Variants in KLF7 observed in about 807,000 individuals in gnomAD.
KLF7 encodes Krueppel-like factor 7.
In KLF7, 2 loss-of-function variants were observed where a neutral mutation model predicts 27.3. The ratio of observed to expected loss-of-function variants is 0.07; its 90% confidence interval spans 0.03 to 0.23. KLF7 has a LOEUF of 0.23. Among genes scored for constraint, KLF7 ranks in the 10% least tolerant of loss-of-function variants. The pLI, the probability that KLF7 is intolerant of heterozygous loss-of-function variation, is 1.00. For missense variants in KLF7, 221 were observed against 394.1 expected (o/e 0.56, Z 3.72); for synonymous variants, 165 against 162.4 (o/e 1.02, Z -0.12).
chr2:207,102,516 CA>C (rs548153547), intron 2 of KLF7, among the ~76,000 whole-genome samples: 69 of 152,300 alleles, frequency 4.5e-4, no homozygotes, highest in East Asian at 3.5e-3. Flanking sequence ...TCATGAAATG[CA>C]AAATGTAAAT....
intron 2 of KLF7, among the ~76,000 whole-genome samples, chr2:207,103,657 A>G (rs1486629084): frequency 1.3e-5 from 2 of 152,228 alleles, no homozygotes; most frequent in African/African-American, 4.8e-5. Flanking sequence ...ACAACTCACC[A>G]TCAGGAGACC....
chr2:207,152,580 T>C (rs909772258), intron 1 of KLF7, among the ~76,000 whole-genome samples: 5 of 152,300 alleles, frequency 3.3e-5, no homozygotes, highest in Admixed American at 3.3e-4. Context: ...AACCAGATGG[T>C]CTTTTCCATC....
chr2:207,172,499 G>A, the KLF7 span, among the ~76,000 whole-genome samples: 11 of 152,098 alleles, frequency 7.2e-5, no homozygotes, highest in African/African-American at 2.7e-4. Context: ...ACTGTCTTTT[G>A]TTATAGGAGT....
At chr2:207,120,772 C>T (rs1172532238) in intron 2 of KLF7, 5 of 152,186 alleles carry the variant, frequency 3.3e-5, no homozygotes, top group South Asian at 2.1e-4. Context: ...CCTTTGCCCT[C>T]GAGCTTTTAC....
At chr2:207,118,653 C>T (rs2077254258) in intron 2 of KLF7, among the ~76,000 whole-genome samples, 2 of 152,192 alleles carry the variant, frequency 1.3e-5, no homozygotes, top group Admixed American at 6.5e-5. Context: ...CTTGACTTCT[C>T]TGGGTCTCAT....
chr2:207,161,264 GCAGTTATATTTTTATTTCATCTAC>G (rs1439731447), intron 1 of KLF7, among the ~76,000 whole-genome samples: 1 of 152,136 alleles, frequency 6.6e-6, no homozygotes, highest in East Asian at 1.9e-4. Context: ...TGGGTAACGG[GCAGTTATATTTTTATTTCATCTAC>G]CAAGTTGCTG....
At chr2:207,115,502 T>A (rs1217299896) in intron 2 of KLF7, among the ~76,000 whole-genome samples, 2 of 152,210 alleles carry the variant, frequency 1.3e-5, no homozygotes, top group African/African-American at 4.8e-5. Context: ...GAGAAGTAAC[T>A]CCATCAGTGG....
chr2:207,134,395 G>A (rs917669998), intron 1 of KLF7, among the ~76,000 whole-genome samples: 6 of 152,000 alleles, frequency 3.9e-5, no homozygotes, highest in Non-Finnish European at 7.4e-5. Flanking sequence ...TTGGGCCCTC[G>A]GTGGCAGATG....
upstream of KLF7, chr2:207,167,215 G>A (rs2078741856): frequency 8.5e-6 from 11 of 1,291,386 alleles, no homozygotes; most frequent in South Asian, 1.8e-4. Context: ...TTCTGGAGTT[G>A]GGATGTAGAC....
At chr2:207,163,005 G>A (rs750976313) in intron 1 of KLF7, among the ~76,000 whole-genome samples, 2 of 152,118 alleles carry the variant, frequency 1.3e-5, no homozygotes, top group East Asian at 1.9e-4. Flanking sequence ...TTCATTATCC[G>A]ATAGTTGATT....
rs1218063222 is a variant in KLF7 at position 207,074,170 on chromosome 2, G to A, written c.*7043C>T. ...GTAAACATTTATTGGAAAGTTTCTT[G>A]TCAGATTCATTTGATTAGGGATAGA... is the stretch of plus-strand genomic sequence containing the variant. On this transcript the variant is annotated 3_prime_UTR_variant, in exon 4 of 4. Coordinates refer to ENST00000309446, the MANE Select transcript of KLF7 (RefSeq NM_003709.4). The A allele has an allele frequency of 3.3e-5, 5 of 152,278 alleles. No homozygotes were observed. Among genetic ancestry groups the A allele is most frequent in the Non-Finnish European group, 5.9e-5 (4 of 68,010 alleles). The allele number at this position is 152,278 out of a possible 1,614,324, so 9.4% of individuals were successfully genotyped here.
rs1054922007 is a variant in KLF7 at position 207,079,467 on chromosome 2, A to T, written c.*1746T>A. On this transcript the variant is annotated 3_prime_UTR_variant, in exon 4 of 4. Transcript: ENST00000309446. ...ACCAAGCGCCATTTTTGTTTTATAG[A>T]CGTGTCTTGAAGGGATGGTCCCAGA... 3 of 152,160 alleles carry T rather than the reference A, an allele frequency of 2.0e-5. No homozygotes were observed. Among genetic ancestry groups the T allele is most frequent in the African/African-American group, 7.2e-5 (3 of 41,430 alleles). 9.4% of individuals were successfully genotyped at this position (152,160 alleles called of 1,614,324 possible). A position where few individuals can be genotyped will look rare whatever the true frequency, so the allele number is the denominator to read the frequency against.
intron 1 of KLF7, among the ~76,000 whole-genome samples, chr2:207,152,293 A>ACGCG (rs1174665983): frequency 2.6e-3 from 27 of 10,490 alleles, no homozygotes; most frequent in Non-Finnish European, 8.1e-3. Flanking sequence ...ACACACACAC[A>ACGCG]CACACACACA....
chr2:207,120,475 T>TA (rs2077307944), intron 2 of KLF7, among the ~76,000 whole-genome samples: 3 of 152,250 alleles, frequency 2.0e-5, no homozygotes, highest in African/African-American at 7.2e-5. Flanking sequence ...ATAGAAGAGA[T>TA]ACAGCATATA....
chr2:207,118,895 TA>T (rs1366131091), intron 2 of KLF7, among the ~76,000 whole-genome samples: 1 of 152,244 alleles, frequency 6.6e-6, no homozygotes. Context: ...TTTTTGTTTG[TA>T]GTATTTTTAG....
chr2:207,124,241 C>G lies in KLF7; in HGVS notation c.266G>C (p.Cys89Ser), dbSNP rs1315759997. Residue 89 changes from cysteine (C) to serine (S), a missense_variant, in exon 2 of 4, where the codon TGT becomes TCT. Coordinates refer to ENST00000309446, the MANE Select transcript of KLF7 (RefSeq NM_003709.4). ...PLLLPVEAAICEKSSAVDILL... is the reference protein window; with the variant it reads ...PLLLPVEAAISEKSSAVDILL... ...GATGTCCACTGCCGAGCTCTTCTCA[C>G]AGATGGCCGCTTCCACGGGGAGCAG... The G allele has an allele frequency of 3.7e-6, 6 of 1,613,972 alleles. No homozygotes were observed. In the Middle Eastern group the frequency reaches 6.6e-4, roughly 177 times the overall value.
At chr2:207,150,623 G>C (rs2078216579) in intron 1 of KLF7, among the ~76,000 whole-genome samples, 1 of 152,166 alleles carries the variant, frequency 6.6e-6, no homozygotes, top group Non-Finnish European at 1.5e-5. Flanking sequence ...ACTTCATATG[G>C]GAAATATAAT....
chr2:207,085,911 C>T (rs563676355), intron 3 of KLF7, among the ~76,000 whole-genome samples: 7 of 150,674 alleles, frequency 4.6e-5, no homozygotes, highest in Non-Finnish European at 1.0e-4. Context: ...CCCACTGTGG[C>T]CAGATCTGAT....
chr2:207,118,977 A>T (rs10170498), intron 2 of KLF7, among the ~76,000 whole-genome samples: 86,478 of 152,080 alleles, frequency 0.57, 26,063 homozygotes, highest in Admixed American at 0.67. Context: ...CCACTTTCTG[A>T]TTCAATAAGA....
Sources: gnomAD v4.1 joint callset for allele counts (sites outside exome capture counted in the v4.1 genomes callset) on GRCh38, gnomAD v4.1.1 for gene constraint, MANE v1.5 for transcripts, NCBI Gene and HGNC (gene_info 2026-07-23, HGNC 2026-07-21) for gene names.